Variants in PKHD1L1 observed in about 807,000 individuals in gnomAD.
The protein encoded by PKHD1L1 is fibrocystin-L.
In PKHD1L1, 434 loss-of-function variants were observed where a neutral mutation model predicts 462.9. The observed-to-expected ratio is 0.94, with a 90% CI of 0.87 to 1.02. The LOEUF is 1.02. PKHD1L1 is among the 50% of genes least tolerant of loss of function. The pLI, the probability that PKHD1L1 is intolerant of heterozygous loss-of-function variation, is 0.00. For synonymous variants in PKHD1L1, 1,781 were observed against 1,750.0 expected (o/e 1.02, Z -0.44); for missense variants, 5,202 against 5,096.1 (o/e 1.02, Z -0.63).
At position 109,486,647 on chromosome 8, in the gene PKHD1L1, G is replaced by C. The variant is rs1373412171; in HGVS notation, c.9707-1G>C. 2 of 1,610,492 alleles carry C rather than the reference G, an allele frequency of 1.2e-6. No individual in the cohort carries two copies. The highest frequency in any genetic ancestry group is 1.7e-5 in the Admixed American group (1 of 59,658). On this transcript the variant is annotated splice_acceptor_variant, in intron 58 of 77. Transcript: ENST00000378402. LOFTEE classifies it high-confidence loss of function. ...ATAATCTAGCTGCCTTTATACTGCA[G>C]CTGAAAAATACCATGTCCCTGGAAC...
chr8:109,363,613 T>A (rs1263836743), intron 1 of PKHD1L1, among the ~76,000 whole-genome samples: 1 of 152,180 alleles, frequency 6.6e-6, no homozygotes. Flanking sequence ...CTGTACAGTG[T>A]AAGCAGAAAA....
At chr8:109,446,998 C>T (rs761515177) in intron 38 of PKHD1L1, among the ~76,000 whole-genome samples, 2 of 152,070 alleles carry the variant, frequency 1.3e-5, no homozygotes, top group East Asian at 1.9e-4. Context: ...CTGAGGCTGG[C>T]GGATTGCCTG....
chr8:109,429,985 T>C lies in PKHD1L1; in HGVS notation c.3177T>C (p.Phe1059=). 6.2e-7 allele frequency: 1 copy of C among 1,611,286 alleles called. No homozygotes were observed. The highest frequency in any genetic ancestry group is 8.5e-7 in the Non-Finnish European group (1 of 1,179,044). Residue 1059 remains phenylalanine (F), a synonymous_variant, in exon 27 of 78, where the codon TTT becomes TTC. Transcript: ENST00000378402. ...IPAKCSGDCG[F]TWDSNITPLV... ...CTAAATGTTCAGGTGACTGTGGATT[T>C]ACATGGGATTCCAACATTACTCCCC...
At position 109,534,909 on chromosome 8, in the gene PKHD1L1, T is replaced by TA. The variant is rs956323398; in HGVS notation, c.*4819_*4820insA. ...CCCATGAATGTGACTTTATTAGAGG[T>TA]TTTTTTTTTAGGTTAAGGACTATGT... On this transcript the variant is annotated 3_prime_UTR_variant, in exon 78 of 78. Coordinates refer to ENST00000378402, the MANE Select transcript of PKHD1L1 (RefSeq NM_177531.6). Among the ~76,000 whole-genome samples, 5 of 9,030 alleles carry TA rather than the reference T, an allele frequency of 5.5e-4. No individual in the cohort carries two copies. The highest frequency in any genetic ancestry group is 2.7e-3 in the Non-Finnish European group (5 of 1,868). 5.9% of individuals were successfully genotyped at this position (9,030 alleles called of 152,430 possible). A position where few individuals can be genotyped will look rare whatever the true frequency, so the allele number is the denominator to read the frequency against.
At chr8:109,396,358 T>C (rs1812975749) in intron 11 of PKHD1L1, among the ~76,000 whole-genome samples, 1 of 152,178 alleles carries the variant, frequency 6.6e-6, no homozygotes. Flanking sequence ...ACCTGAGCTC[T>C]AGGGATGGCA....
Position 109,433,159 on chromosome 8 carries a change from A to G in PKHD1L1, c.3283A>G (p.Ser1095Gly), listed in dbSNP as rs1412658954. ...CATAGTGGGTTCTGGATTTTCTCCT[A>G]GTTCAGCTGTAACAGTCTCAGTTGG... ...LTIVGSGFSPSSAVTVSVGPV... is the reference protein window; with the variant it reads ...LTIVGSGFSPGSAVTVSVGPV... Residue 1095 changes from serine to glycine, a missense_variant, in exon 28 of 78, where the codon AGT (serine) becomes GGT (glycine). Physicochemically the swap from Ser to Gly is moderately conservative, Grantham distance 56 (BLOSUM62 0). Around this residue, in one of 3 missense-constraint regions of PKHD1L1, gnomAD observed 4,497 missense variants for 4,336.8 expected, o/e 1.04. Transcript: ENST00000378402. 6.2e-7 allele frequency: 1 copy of G among 1,613,510 alleles called. No individual in the cohort carries two copies. Among genetic ancestry groups the G allele is most frequent in the Non-Finnish European group, 8.5e-7 (1 of 1,179,690 alleles).
intron 50 of PKHD1L1, among the ~76,000 whole-genome samples, chr8:109,472,855 A>C (rs1817793373): frequency 6.6e-6 from 1 of 152,160 alleles, no homozygotes; most frequent in South Asian, 2.1e-4. Flanking sequence ...TGAGTGAAAC[A>C]AAAGTTTAAA....
At chr8:109,404,758 A>C in intron 15 of PKHD1L1, 45 bp downstream of exon 15, 1 of 1,507,052 alleles carries the variant, frequency 6.6e-7, no homozygotes, top group Non-Finnish European at 8.9e-7. Context: ...AAATGTTCGA[A>C]GGCAGGATCT....
chr8:109,529,520 A>C (rs1820974075), intron 77 of PKHD1L1, among the ~76,000 whole-genome samples: 1 of 152,176 alleles, frequency 6.6e-6, no homozygotes, highest in Non-Finnish European at 1.5e-5. Flanking sequence ...TGCCTCATTA[A>C]GTGCAAAAAC....
chr8:109,393,888 A>G (rs936932076), intron 9 of PKHD1L1, among the ~76,000 whole-genome samples: 10 of 152,094 alleles, frequency 6.6e-5, no homozygotes, highest in Non-Finnish European at 4.4e-5. Context: ...CTTAAAATCA[A>G]CTGTAGGGCC....
At chr8:109,397,638 T>TA (rs1237447446) in intron 11 of PKHD1L1, among the ~76,000 whole-genome samples, 1 of 152,122 alleles carries the variant, frequency 6.6e-6, no homozygotes, top group Non-Finnish European at 1.5e-5. Flanking sequence ...TACGGTGAGC[T>TA]ATGATCATGC....
At chr8:109,412,615 T>C (rs1586458370) in intron 20 of PKHD1L1, among the ~76,000 whole-genome samples, 1 of 152,192 alleles carries the variant, frequency 6.6e-6, no homozygotes, top group East Asian at 1.9e-4. Context: ...TATATATATA[T>C]GTATATAGCA....
chr8:109,465,031 T>C lies in PKHD1L1; in HGVS notation c.8199T>C (p.Ser2733=). 2 of 1,613,846 alleles carry C rather than the reference T, an allele frequency of 1.2e-6. No homozygotes were observed. The highest frequency in any genetic ancestry group is 2.2e-5 in the South Asian group (2 of 91,082). The change falls in exon 49 of 78, where the codon AGT becomes AGC. Residue 2733 remains serine, a synonymous_variant. Transcript: ENST00000378402. ...CAAAAGGCCTGGTTCTCCCATTTAG[T>C]GAAGGCTTGACTGTCTCTTCTGTGC... ...CTAKGLVLPF[S]EGLTVSSVHF...
Position 109,364,648 on chromosome 8 carries a change from T to A in PKHD1L1, c.163+12T>A. 1.7e-6 allele frequency: 1 copy of A among 574,372 alleles called. No homozygotes were observed. Among genetic ancestry groups the A allele is most frequent in the Non-Finnish European group, 2.3e-6 (1 of 429,670 alleles). The allele number at this position is 574,372 out of a possible 1,614,324, so 35.6% of individuals were successfully genotyped here. ...TATAAGAGGGGAAGGTATCGTTGCT[T>A]TTTTTTTTTTTTTTTTGCCAAGGTT... On this transcript the variant is annotated intron_variant, in intron 2 of 77. Transcript: ENST00000378402.
Position 109,396,119 on chromosome 8 carries a change from G to A in PKHD1L1, c.904G>A (p.Val302Ile), listed in dbSNP as rs369575692. The change falls in exon 11 of 78, where the codon GTC becomes ATC. Residue 302 changes from valine to isoleucine, a missense_variant. This residue lies in a region of PKHD1L1 where 4,497 missense variants were observed against 4,336.8 expected (regional missense o/e 1.04). Transcript: ENST00000378402. ...TTTCTTTGATCAGACAGATTTCCCC[G>A]TCAGAGTTCTAGTTGGAGGTATTTC... ...GRFFDQTDFP[V>I]RVLVGGEPCD... 8.6e-5 allele frequency: 139 copies of A among 1,607,218 alleles called. No homozygotes were observed. The highest frequency in any genetic ancestry group is 8.2e-4 in the Middle Eastern group (5 of 6,074).
chr8:109,425,345 AT>A, intron 24 of PKHD1L1, 113 bp downstream of exon 24: 3 of 635,242 alleles, frequency 4.7e-6, no homozygotes, highest in Non-Finnish European at 6.9e-6. Context: ...ACATACAAAT[AT>A]ATTAATTATT....
At chr8:109,421,814 G>A (rs1814489188) in intron 23 of PKHD1L1, among the ~76,000 whole-genome samples, 1 of 152,030 alleles carries the variant, frequency 6.6e-6, no homozygotes, top group African/African-American at 2.4e-5. Context: ...ACTAATTCAA[G>A]GCTCTGTATT....
chr8:109,380,155 G>A (rs895263872), intron 2 of PKHD1L1, among the ~76,000 whole-genome samples: 2 of 151,922 alleles, frequency 1.3e-5, no homozygotes, highest in Non-Finnish European at 2.9e-5. Context: ...GAGTAGTATA[G>A]CCTGTAGCTT....
intron 49 of PKHD1L1, 48 bp from the exon 50 acceptor site, chr8:109,466,530 G>T (rs1287398558): frequency 6.7e-7 from 1 of 1,490,880 alleles, no homozygotes; most frequent in Non-Finnish European, 9.0e-7. Context: ...CCTTTTTTAT[G>T]TTTCTTAATG....
Sources: allele counts gnomAD v4.1 joint callset (sites outside exome capture counted in the v4.1 genomes callset), GRCh38; gene constraint gnomAD v4.1.1; regional missense constraint gnomAD v4.1.1; transcripts MANE v1.5; gene names NCBI Gene and HGNC (gene_info 2026-07-23, HGNC 2026-07-21).